The following LARS1 variants were observed in gnomAD, a reference collection of about 807,000 sequenced individuals.
LARS1 encodes the protein leucyl-tRNA synthetase 1, also known as leucine--tRNA ligase, cytoplasmic.
Under a neutral mutation model 162.8 loss-of-function variants are expected in LARS1, and 100 were observed. That is an observed-to-expected ratio of 0.61 (90% CI 0.52 to 0.73). The LOEUF is 0.73. Ranked by LOEUF, LARS1 falls within the 30% of genes least tolerant of loss-of-function variation. LARS1 has a pLI of 0.00. For missense variants in LARS1, 1,258 were observed against 1,408.9 expected (o/e 0.89, Z 1.71); for synonymous variants, 457 against 462.8 (o/e 0.99, Z 0.16).
rs1045278092 is a variant in LARS1 at position 146,151,791 on chromosome 5, A to AT, written c.1425+70dup. ...CTGAAACTATGTTAAATTTTTCTAC[A>AT]TTTTTTCTAATTAAGAAAATCACAG... On this transcript the variant is annotated intron_variant, in intron 14 of 31. Coordinates refer to ENST00000394434, the MANE Select transcript of LARS1 (RefSeq NM_020117.11). 8 of 1,385,292 alleles carry AT rather than the reference A, an allele frequency of 5.8e-6. No homozygotes were observed. In the South Asian group the frequency reaches 8.8e-5, roughly 15 times the overall value. 85.8% of individuals were successfully genotyped at this position (1,385,292 alleles called of 1,614,324 possible).
At chr5:146,161,562 C>A (rs1753777968) in intron 6 of LARS1, among the ~76,000 whole-genome samples, 1 of 152,050 alleles carries the variant, frequency 6.6e-6, no homozygotes, top group African/African-American at 2.4e-5. Context: ...AACCCCGTCT[C>A]TACTAAAACA....
chr5:146,117,664 T>A (rs991278208), intron 31 of LARS1, among the ~76,000 whole-genome samples: 5 of 152,208 alleles, frequency 3.3e-5, no homozygotes, highest in Non-Finnish European at 7.3e-5. Flanking sequence ...ATATCTATTT[T>A]CTTTAAAAGC....
intron 9 of LARS1, 28 bp downstream of exon 9, chr5:146,157,700 G>C: frequency 6.2e-7 from 1 of 1,613,394 alleles, no homozygotes; most frequent in Non-Finnish European, 8.5e-7. Context: ...GTTCAGAAAT[G>C]ATAAAGCAAT....
rs1185835159 is a variant in LARS1 at position 146,157,768 on chromosome 5, G to A, written c.799C>T (p.Leu267Phe). 6.2e-7 allele frequency: 1 copy of A among 1,613,954 alleles called. No homozygotes were observed. The highest frequency in any genetic ancestry group is 2.2e-5 in the East Asian group (1 of 44,880). Residue 267 changes from leucine (L) to phenylalanine (F), a missense_variant, in exon 9 of 32, where the codon CTC becomes TTC. Coordinates refer to ENST00000394434, the MANE Select transcript of LARS1 (RefSeq NM_020117.11). ...TATGGCTCAAGCACCTTCAATTTGA[G>A]TAAAGTATATTCCTGAGGTCCAACA... ...EGVGPQEYTLLKLKVLEPYPS... is the reference protein window; with the variant it reads ...EGVGPQEYTLFKLKVLEPYPS...
At chr5:146,147,707 T>C (rs887672083) in intron 15 of LARS1, among the ~76,000 whole-genome samples, 1 of 151,958 alleles carries the variant, frequency 6.6e-6, no homozygotes, top group Non-Finnish European at 1.5e-5. Flanking sequence ...AATATCTGAA[T>C]GATAGGAATT....
intron 15 of LARS1, among the ~76,000 whole-genome samples, chr5:146,147,217 G>A (rs1417592407): frequency 1.3e-5 from 2 of 151,904 alleles, no homozygotes; most frequent in African/African-American, 2.4e-5. Context: ...ACATATCAAC[G>A]GTCTTCCTCA....
chr5:146,152,772 C>T (rs184818827), intron 13 of LARS1, among the ~76,000 whole-genome samples: 13 of 152,222 alleles, frequency 8.5e-5, no homozygotes, highest in Non-Finnish European at 4.4e-5. Flanking sequence ...AGTTTTTCTT[C>T]TATAGATACT....
At chr5:146,149,376 A>G (rs971903335) in intron 15 of LARS1, among the ~76,000 whole-genome samples, 1 of 152,246 alleles carries the variant, frequency 6.6e-6, no homozygotes, top group African/African-American at 2.4e-5. Context: ...GGCCACTGCC[A>G]GAAATATCAT....
Position 146,113,505 on chromosome 5 carries a change from TGAAGAAGC to T in LARS1, c.*593_*600del, listed in dbSNP as rs1764066571. 6.6e-6 allele frequency: 1 copy of T among 152,354 alleles called. No individual in the cohort carries two copies. The highest frequency in any genetic ancestry group is 2.1e-4 in the South Asian group (1 of 4,838). The allele number at this position is 152,354 out of a possible 1,614,324, so 9.4% of individuals were successfully genotyped here. ...GCTTATAAACTATTGATATTAGCCT[TGAAGAAGC>T]CATTATTGGTTCTTAGTTGAATAAT... On this transcript the variant is annotated 3_prime_UTR_variant, in exon 32 of 32. Coordinates refer to ENST00000394434, the MANE Select transcript of LARS1 (RefSeq NM_020117.11).
At chr5:146,175,702 C>G (rs1023268341) in intron 2 of LARS1, among the ~76,000 whole-genome samples, 2 of 151,904 alleles carry the variant, frequency 1.3e-5, no homozygotes, top group African/African-American at 4.8e-5. Flanking sequence ...GTGGCAGCCG[C>G]CTGTAGTTCC....
At chr5:146,157,862 G>C in intron 8 of LARS1, 67 bp from the exon 9 acceptor site, 1 of 1,454,974 alleles carries the variant, frequency 6.9e-7, no homozygotes, top group Admixed American at 1.8e-5. Flanking sequence ...ACTAATCTAT[G>C]TGAGAGATCT....
rs1308448535 is a variant in LARS1, at chr5:146,114,268, C to T, written c.3369G>A (p.Leu1123=). 1.2e-6 allele frequency: 2 copies of T among 1,613,780 alleles called. No individual in the cohort carries two copies. The highest frequency in any genetic ancestry group is 2.2e-5 in the South Asian group (2 of 91,040). Residue 1123 remains leucine, a synonymous_variant, in exon 32 of 32, where the codon TTG becomes TTA. Transcript: ENST00000394434. ...VKLMRFDDPL[L]GPRRVPVLGK... ...CCAGGACAGGAACTCGTCGAGGCCC[C>T]AACAGTGGATCATCAAATCTCATCA...
chr5:146,138,866 C>A, intron 21 of LARS1: 1 of 259,680 alleles, frequency 3.9e-6, no homozygotes, highest in South Asian at 4.8e-5. Flanking sequence ...GGAGGCAAAC[C>A]AAACAAAACC....
chr5:146,120,516 C>G lies in LARS1; in HGVS notation c.3193-13G>C. The G allele has an allele frequency of 6.2e-7, 1 of 1,605,896 alleles. No individual in the cohort carries two copies. Among genetic ancestry groups the G allele is most frequent in the Non-Finnish European group, 8.5e-7 (1 of 1,177,134 alleles). On this transcript the variant is annotated splice_polypyrimidine_tract_variant and intron_variant, in intron 30 of 31. Transcript: ENST00000394434. Reference sequence around the variant, plus strand: ...CGGACACACCAGGCTAGGAAAACAACAAGAAAATGATTGTTTAACTTGAAT... The same window carrying G: ...CGGACACACCAGGCTAGGAAAACAAGAAGAAAATGATTGTTTAACTTGAAT...
intron 2 of LARS1, among the ~76,000 whole-genome samples, chr5:146,173,379 A>C (rs1278015151): frequency 6.6e-6 from 1 of 151,832 alleles, no homozygotes; most frequent in Non-Finnish European, 1.5e-5. Context: ...TAATACCCTT[A>C]TGAACCTAGG....
intron 2 of LARS1, among the ~76,000 whole-genome samples, chr5:146,176,732 C>A (rs1294632153): frequency 6.6e-6 from 1 of 152,014 alleles, no homozygotes; most frequent in Non-Finnish European, 1.5e-5. Context: ...ATGTCATGAT[C>A]TACGTTTGTC....
At chr5:146,151,761 T>C (rs371447097) in intron 14 of LARS1, 101 bp downstream of exon 14, 2 of 1,096,782 alleles carry the variant, frequency 1.8e-6, no homozygotes, top group African/African-American at 1.6e-5. Context: ...CAAATCAATG[T>C]ATAGCTGAAA....
rs1033219814 is a variant in LARS1, at chr5:146,182,640, G to A, written c.-147C>T. Reference sequence around the variant, plus strand: ...TTCACACCTGCTGAGGCAATCATCCGGCTCCTTACTAACTACAGCCAAGGC... The same window carrying A: ...TTCACACCTGCTGAGGCAATCATCCAGCTCCTTACTAACTACAGCCAAGGC... On this transcript the variant is annotated 5_prime_UTR_variant, in exon 1 of 32. Transcript: ENST00000394434. The A allele has an allele frequency of 9.1e-7, 1 of 1,097,244 alleles. No individual in the cohort carries two copies. The highest frequency in any genetic ancestry group is 2.5e-5 in the East Asian group (1 of 40,404). The allele number at this position is 1,097,244 out of a possible 1,614,324, so 68.0% of individuals were successfully genotyped here.
rs1752713014 is a variant in LARS1, at chr5:146,140,255, T to C, written c.2097A>G (p.Lys699=). ...CATTTGCTCTCACAGCTGTAGGCCA[T>C]TTGTCACTTCACAGATAAATGTTTA... ...HVAMWPEQSD[K]WPTAVRANGH... Residue 699 remains lysine (K), a synonymous_variant, in exon 21 of 32, where the codon AAA becomes AAG. Coordinates refer to ENST00000394434, the MANE Select transcript of LARS1 (RefSeq NM_020117.11). The C allele has an allele frequency of 6.2e-7, 1 of 1,609,132 alleles. No homozygotes were observed. Among genetic ancestry groups the C allele is most frequent in the African/African-American group, 1.3e-5 (1 of 74,890 alleles).
Sources: allele counts gnomAD v4.1 joint callset (sites outside exome capture counted in the v4.1 genomes callset), GRCh38; gene constraint gnomAD v4.1.1; transcripts MANE v1.5; gene names NCBI Gene and HGNC (gene_info 2026-07-23, HGNC 2026-07-21).